CAMKK1: variants seen among roughly 807,000 people sequenced by gnomAD.
CAMKK1 encodes calcium/calmodulin dependent protein kinase kinase 1, also known as calcium/calmodulin-dependent protein kinase kinase 1.
Under a neutral mutation model 63.5 loss-of-function variants are expected in CAMKK1, and 20 were observed. The ratio of observed to expected loss-of-function variants is 0.32; its 90% confidence interval spans 0.22 to 0.46. CAMKK1 has a LOEUF of 0.46. Among genes scored for constraint, CAMKK1 ranks in the 20% least tolerant of loss-of-function variants. The pLI, the probability that CAMKK1 is intolerant of heterozygous loss-of-function variation, is 1.00. For synonymous variants in CAMKK1, 253 were observed against 269.0 expected (o/e 0.94, Z 0.58); for missense variants, 588 against 658.1 (o/e 0.89, Z 1.17).
Position 3,887,260 on chromosome 17 carries a change from G to A in CAMKK1, c.-43-1530C>T, listed in dbSNP as rs970676269. On this transcript the variant is annotated intron_variant, in intron 1 of 15. Coordinates refer to ENST00000348335, the MANE Select transcript of CAMKK1 (RefSeq NM_032294.3). The surrounding 1 kb of genome is among the most constrained non-coding windows in gnomAD (Gnocchi z 6.1). ...ATTTTCCAGGCTCACAGCAGGGTTT[G>A]GAGGTAGACTGAGGGTAAGGGTGAG... Among the ~76,000 whole-genome samples, 51 of 152,196 alleles carry A rather than the reference G, an allele frequency of 3.4e-4. No individual in the cohort carries two copies. The highest frequency in any genetic ancestry group is 1.2e-3 in the African/African-American group (49 of 41,456).
At chr17:3,880,709 T>C (rs1337714239) in intron 8 of CAMKK1, among the ~76,000 whole-genome samples, 1 of 152,196 alleles carries the variant, frequency 6.6e-6, no homozygotes. Flanking sequence ...AAAGATGCCA[T>C]TTAGAGCACT....
At chr17:3,865,061 G>A (rs964782042) in intron 15 of CAMKK1, 1 of 919,766 alleles carries the variant, frequency 1.1e-6, no homozygotes, top group South Asian at 5.0e-5. Flanking sequence ...TCCGGGGCCA[G>A]AGGAAGGCAG....
chr17:3,872,469 G>T, intron 12 of CAMKK1, 85 bp downstream of exon 12: 1 of 1,113,316 alleles, frequency 9.0e-7, no homozygotes, highest in Non-Finnish European at 1.4e-6. Flanking sequence ...GCTGGGGTGG[G>T]GTCCTCAGAG....
At chr17:3,873,874 T>C (rs1239093507) in intron 10 of CAMKK1, among the ~76,000 whole-genome samples, 1 of 152,142 alleles carries the variant, frequency 6.6e-6, no homozygotes, top group Non-Finnish European at 1.5e-5. Flanking sequence ...ATCCACCTTC[T>C]TCCTGATATT....
rs1431609246 is a variant in CAMKK1 at position 3,890,190 on chromosome 17, G to A, written c.-44+2749C>T. On this transcript the variant is annotated intron_variant, in intron 1 of 15. Transcript: ENST00000348335. The surrounding 1 kb of genome is among the most constrained non-coding windows in gnomAD (Gnocchi z 6.5). ...ATGGCCCTGGCAACGGGTGCCCTCC[G>A]CAGCTCCCGCCCCCACCCGGGATGA... Among the ~76,000 whole-genome samples, 1 of 152,144 alleles carries A rather than the reference G, an allele frequency of 6.6e-6. No homozygotes were observed. Among genetic ancestry groups the A allele is most frequent in the African/African-American group, 2.4e-5 (1 of 41,430 alleles).
intron 9 of CAMKK1, among the ~76,000 whole-genome samples, chr17:3,876,706 G>C (rs946366011): frequency 1.3e-5 from 2 of 151,962 alleles, no homozygotes; most frequent in African/African-American, 4.8e-5. Context: ...CTGCTGAGTG[G>C]GGAGGTCAGA....
chr17:3,871,372 T>A (rs1302857899), intron 12 of CAMKK1, among the ~76,000 whole-genome samples: 2 of 97,842 alleles, frequency 2.0e-5, no homozygotes, highest in Non-Finnish European at 4.1e-5. Context: ...TTTTTTTTTT[T>A]GAGACAGAGT....
chr17:3,873,763 C>T (rs2055013269), intron 10 of CAMKK1, among the ~76,000 whole-genome samples: 1 of 152,152 alleles, frequency 6.6e-6, no homozygotes, highest in African/African-American at 2.4e-5. Flanking sequence ...GTCACACGGG[C>T]CGCTCCCGTG....
At chr17:3,865,822 C>G (rs567020252) in intron 15 of CAMKK1, 86 bp downstream of exon 15, 33 of 1,579,852 alleles carry the variant, frequency 2.1e-5, no homozygotes, top group Non-Finnish European at 2.7e-5. Flanking sequence ...CTTGGCCCAA[C>G]GACAGTGAGA....
Position 3,883,831 on chromosome 17 carries a change from C to T in CAMKK1, c.462+53G>A. On this transcript the variant is annotated intron_variant, in intron 4 of 15. Transcript: ENST00000348335. This position sits in a 1 kb window ranked among gnomAD's most constrained non-coding sequence, Gnocchi z 4.7. ...TAAGCACAACTCCTGCCCCACCCCT[C>T]AGGCTTCCAGGGCCTGGCTTGGGCA... 1 of 1,588,500 alleles carries T rather than the reference C, an allele frequency of 6.3e-7. No individual in the cohort carries two copies. The highest frequency in any genetic ancestry group is 8.6e-7 in the Non-Finnish European group (1 of 1,157,694).
chr17:3,874,329 G>T (rs1173481176), intron 10 of CAMKK1, among the ~76,000 whole-genome samples: 2 of 152,164 alleles, frequency 1.3e-5, no homozygotes, highest in Non-Finnish European at 2.9e-5. Context: ...ATGAAGTACA[G>T]TATCAGGACA....
intron 14 of CAMKK1, among the ~76,000 whole-genome samples, chr17:3,867,884 C>T (rs1413967566): frequency 6.6e-6 from 1 of 152,094 alleles, no homozygotes; most frequent in African/African-American, 2.4e-5. Context: ...AGTGCCAACA[C>T]AGAAGCTGAG....
rs944424516 is a variant in CAMKK1, at chr17:3,890,705, C to T, written c.-44+2234G>A. The T allele has an allele frequency of 2.6e-6, 2 of 779,808 alleles. No individual in the cohort carries two copies. The highest frequency in any genetic ancestry group is 4.8e-6 in the Non-Finnish European group (2 of 417,976). 48.3% of individuals were successfully genotyped at this position (779,808 alleles called of 1,614,324 possible). A position where few individuals can be genotyped will look rare whatever the true frequency, so the allele number is the denominator to read the frequency against. ...ACCCCACACTTACTCTCCACTGCAG[C>T]CACACCACAGCTTCCCAAATTGCAT... is the stretch of plus-strand genomic sequence containing the variant. On this transcript the variant is annotated intron_variant, in intron 1 of 15. Transcript: ENST00000348335. The surrounding 1 kb of genome is among the most constrained non-coding windows in gnomAD (Gnocchi z 6.5).
intron 8 of CAMKK1, 113 bp from the exon 9 acceptor site, chr17:3,880,547 A>T: frequency 1.4e-6 from 1 of 708,132 alleles, no homozygotes. Flanking sequence ...ACAACTCAAG[A>T]TATTAGCTTT....
Position 3,876,309 on chromosome 17 carries a change from C to T in CAMKK1, c.910G>A (p.Asp304Asn). ...CCCGCCGTGCTGGACAGCTGAGCGT[C>T]GTTCCCCTCAAACTGGTTGCTGACG... is the stretch of plus-strand genomic sequence containing the variant. Reference protein sequence around the residue: ...FGVSNQFEGNDAQLSSTAGTP... With the variant: ...FGVSNQFEGNNAQLSSTAGTP... The change falls in exon 10 of 16, where the codon GAC becomes AAC. Residue 304 changes from aspartate to asparagine, a missense_variant. Around this residue, in one of 3 missense-constraint regions of CAMKK1, gnomAD observed 357 missense variants for 407.4 expected, o/e 0.88. Transcript: ENST00000348335. The T allele has an allele frequency of 6.2e-7, 1 of 1,614,256 alleles. No homozygotes were observed. The highest frequency in any genetic ancestry group is 8.5e-7 in the Non-Finnish European group (1 of 1,180,048).
In CAMKK1 at chr17:3,892,959, TCCG is replaced by T. The variant is rs2055958019; in HGVS notation, c.-67_-65del. On this transcript the variant is annotated 5_prime_UTR_variant, in exon 1 of 16. Coordinates refer to ENST00000348335, the MANE Select transcript of CAMKK1 (RefSeq NM_032294.3). This position sits in a 1 kb window ranked among gnomAD's most constrained non-coding sequence, Gnocchi z 7.5. ...CCTACCTGGGCGCCGGGCGACAGTG[TCCG>T]CGGCCCGGCGGGCGGCCCCACTCGC... The T allele has an allele frequency of 6.6e-6, 1 of 150,532 alleles. No homozygotes were observed. Among genetic ancestry groups the T allele is most frequent in the Non-Finnish European group, 1.5e-5 (1 of 67,270 alleles). 9.3% of individuals were successfully genotyped at this position (150,532 alleles called of 1,614,324 possible).
chr17:3,863,735 C>T (rs2054405739), intron 15 of CAMKK1, among the ~76,000 whole-genome samples: 2 of 152,008 alleles, frequency 1.3e-5, no homozygotes, highest in Admixed American at 6.6e-5. Context: ...AAGCTCTACC[C>T]CAAATTAAAC....
At position 3,883,185 on chromosome 17, in the gene CAMKK1, G is replaced by A; in HGVS notation, c.515-10C>T. ...CTCGGGGGAGGGCGACCTGTGACCA[G>A]GAAGAGAACTCAAACACCTGTTCCA... On this transcript the variant is annotated splice_polypyrimidine_tract_variant and intron_variant, in intron 5 of 15. Transcript: ENST00000348335. This position sits in a 1 kb window ranked among gnomAD's most constrained non-coding sequence, Gnocchi z 4.7. 1 of 1,608,696 alleles carries A rather than the reference G, an allele frequency of 6.2e-7. No homozygotes were observed. Among genetic ancestry groups the A allele is most frequent in the Non-Finnish European group, 8.5e-7 (1 of 1,179,902 alleles).
At position 3,890,183 on chromosome 17, in the gene CAMKK1, G is replaced by A. The variant is rs753452228; in HGVS notation, c.-44+2756C>T. Reference sequence around the variant, plus strand: ...TATCTGGATGGCCCTGGCAACGGGTGCCCTCCGCAGCTCCCGCCCCCACCC... The same window carrying A: ...TATCTGGATGGCCCTGGCAACGGGTACCCTCCGCAGCTCCCGCCCCCACCC... On this transcript the variant is annotated intron_variant, in intron 1 of 15. Transcript: ENST00000348335. The surrounding 1 kb of genome is among the most constrained non-coding windows in gnomAD (Gnocchi z 6.5). Among the ~76,000 whole-genome samples, 15 of 152,318 alleles carry A rather than the reference G, an allele frequency of 9.8e-5. No individual in the cohort carries two copies. Among genetic ancestry groups the A allele is most frequent in the East Asian group, 1.9e-4 (1 of 5,186 alleles).
Sources: gnomAD v4.1 joint callset for allele counts (sites outside exome capture counted in the v4.1 genomes callset) on GRCh38, gnomAD v4.1.1 for gene constraint, gnomAD v4.1.1 regional missense constraint, Gnocchi (gnomAD v3.1) non-coding constraint, MANE v1.5 for transcripts, NCBI Gene and HGNC (gene_info 2026-07-23, HGNC 2026-07-21) for gene names.